Variants in OSTN observed in about 807,000 individuals in gnomAD.
OSTN encodes the protein osteocrin.
Under a neutral mutation model 12.0 loss-of-function variants are expected in OSTN, and 9 were observed. The ratio of observed to expected loss-of-function variants is 0.75; its 90% CI spans 0.45 to 1.30. The LOEUF is 1.30. Among genes scored for constraint, OSTN ranks in the 50% most tolerant of loss-of-function variants. The pLI is 0.00. For missense variants in OSTN, 148 were observed against 152.3 expected (o/e 0.97, Z 0.15); for synonymous variants, 59 against 56.9 (o/e 1.04, Z -0.16).
At chr3:191,262,729 A>C in intron 4 of OSTN, 137 bp from the exon 5 acceptor site, 1 of 536,408 alleles carries the variant, frequency 1.9e-6, no homozygotes, top group Non-Finnish European at 3.4e-6. Flanking sequence ...CAAAATAAAA[A>C]ATTGCCATGT....
At chr3:191,260,491 G>A (rs191434752) in intron 4 of OSTN, among the ~76,000 whole-genome samples, 1 of 152,214 alleles carries the variant, frequency 6.6e-6, no homozygotes, top group Admixed American at 6.5e-5. Flanking sequence ...ACAGTTGTGA[G>A]GGGGGTGCCA....
At chr3:191,249,037 C>A (rs910221539) in intron 3 of OSTN, among the ~76,000 whole-genome samples, 1 of 152,186 alleles carries the variant, frequency 6.6e-6, no homozygotes, top group Admixed American at 6.5e-5. Flanking sequence ...CACTTAAAAT[C>A]TGTATATGTC....
chr3:191,259,170 G>C (rs943028821), intron 4 of OSTN, among the ~76,000 whole-genome samples: 3 of 151,288 alleles, frequency 2.0e-5, no homozygotes, highest in Non-Finnish European at 4.4e-5. Context: ...GAGAAGCAGG[G>C]AGAAGTGAAA....
chr3:191,245,496 T>G (rs1715408620), intron 3 of OSTN, among the ~76,000 whole-genome samples: 1 of 151,924 alleles, frequency 6.6e-6, no homozygotes. Flanking sequence ...AGAACACAAA[T>G]CCTCCATCTC....
chr3:191,257,744 A>T (rs1440728341), intron 4 of OSTN, among the ~76,000 whole-genome samples: 4 of 152,140 alleles, frequency 2.6e-5, no homozygotes, highest in African/African-American at 9.7e-5. Flanking sequence ...TTTTAATATT[A>T]TTTTACCAAT....
chr3:191,243,285 A>C (rs2108548174), intron 3 of OSTN, among the ~76,000 whole-genome samples: 1 of 152,340 alleles, frequency 6.6e-6, no homozygotes, highest in East Asian at 1.9e-4. Context: ...GCTGTCAATT[A>C]TACTACTGGG....
chr3:191,222,133 C>T (rs1333144595), intron 3 of OSTN, among the ~76,000 whole-genome samples: 1 of 152,250 alleles, frequency 6.6e-6, no homozygotes, highest in African/African-American at 2.4e-5. Context: ...CAGATGTTTG[C>T]TGCAGGGGCA....
intron 1 of OSTN, among the ~76,000 whole-genome samples, chr3:191,205,443 A>AAT (rs1553816617): frequency 2.0e-3 from 305 of 149,082 alleles, no homozygotes; most frequent in Non-Finnish European, 2.7e-3. Context: ...AGTAAAAAAA[A>AAT]ATATATATAT....
intron 3 of OSTN, among the ~76,000 whole-genome samples, chr3:191,220,936 C>G (rs1458668756): frequency 1.3e-5 from 2 of 152,008 alleles, no homozygotes; most frequent in African/African-American, 4.8e-5. Context: ...GGCTGTGTCC[C>G]CATTGAAATC....
intron 2 of OSTN, among the ~76,000 whole-genome samples, chr3:191,217,643 A>G (rs749614526): frequency 2.6e-5 from 4 of 152,246 alleles, no homozygotes; most frequent in Admixed American, 2.0e-4. Flanking sequence ...CTGGACAGCT[A>G]TACATTTATG....
intron 3 of OSTN, among the ~76,000 whole-genome samples, chr3:191,232,331 TAAAAAA>T (rs61313474): frequency 8.9e-5 from 6 of 67,490 alleles, no homozygotes; most frequent in South Asian, 3.7e-4. Flanking sequence ...AGACTCTGTC[TAAAAAA>T]AAAAAAAAAA....
intron 3 of OSTN, among the ~76,000 whole-genome samples, chr3:191,224,583 T>C (rs1424298255): frequency 2.6e-5 from 4 of 152,144 alleles, no homozygotes; most frequent in Middle Eastern, 3.4e-3. Context: ...TTTATAAAAT[T>C]TACCATATCT....
At chr3:191,234,696 G>GAAAAAAA (rs10680726) in intron 3 of OSTN, 1 of 79,364 alleles carries the variant, frequency 1.3e-5, no homozygotes, top group Admixed American at 1.5e-4. Flanking sequence ...GACACCATCT[G>GAAAAAAA]AAAAAAAAAA....
chr3:191,256,809 A>C (rs909078177), intron 4 of OSTN, among the ~76,000 whole-genome samples: 1 of 152,052 alleles, frequency 6.6e-6, no homozygotes, highest in Middle Eastern at 3.2e-3. Context: ...CAGTTTTATA[A>C]CCTCTTACAA....
intron 2 of OSTN, among the ~76,000 whole-genome samples, chr3:191,217,504 G>A (rs1478425275): frequency 6.6e-6 from 1 of 152,142 alleles, no homozygotes; most frequent in Non-Finnish European, 1.5e-5. Context: ...TTCCCTCATG[G>A]GAATATTCTC....
chr3:191,220,300 GA>G (rs1254855768), intron 3 of OSTN, among the ~76,000 whole-genome samples: 1 of 152,116 alleles, frequency 6.6e-6, no homozygotes, highest in African/African-American at 2.4e-5. Flanking sequence ...ACATGTATGT[GA>G]AAAATAATCC....
intron 2 of OSTN, among the ~76,000 whole-genome samples, chr3:191,214,638 A>G (rs1272283122): frequency 6.6e-6 from 1 of 151,132 alleles, no homozygotes; most frequent in East Asian, 1.9e-4. Context: ...GCTTGAGTCA[A>G]TGATTAAAGG....
rs146895385 is a variant in OSTN at position 191,217,913 on chromosome 3, A to G, written c.103-834A>G. On this transcript the variant is annotated intron_variant, in intron 2 of 4. Coordinates refer to ENST00000682035, the MANE Select transcript of OSTN (RefSeq NM_198184.2). ...AATGATGAATGAATGGTAAAAAAAAAAATAGAATGAGATTTGGTTGGGAAT... is the reference window on the plus strand; with the variant it reads ...AATGATGAATGAATGGTAAAAAAAAGAATAGAATGAGATTTGGTTGGGAAT... Among the ~76,000 whole-genome samples, 437 of 152,298 alleles carry G rather than the reference A, an allele frequency of 2.9e-3. 6 individuals are homozygous for G. The highest frequency in any genetic ancestry group is 0.01 in the African/African-American group (422 of 41,574).
At chr3:191,261,982 C>A (rs539887627) in intron 4 of OSTN, among the ~76,000 whole-genome samples, 172 of 152,216 alleles carry the variant, frequency 1.1e-3, no homozygotes, top group African/African-American at 3.9e-3. Context: ...TTTGGGAGAC[C>A]GAGGCGGGTG....
Sources: gnomAD v4.1 joint callset for allele counts (sites outside exome capture counted in the v4.1 genomes callset) on GRCh38, gnomAD v4.1.1 for gene constraint, MANE v1.5 for transcripts, NCBI Gene and HGNC (gene_info 2026-07-23, HGNC 2026-07-21) for gene names.